The following GGA2 variants were observed in gnomAD, a reference collection of about 807,000 sequenced individuals.
GGA2 encodes the protein ADP-ribosylation factor-binding protein GGA2.
Under a neutral mutation model 79.5 loss-of-function variants are expected in GGA2, and 48 were observed. That is an observed-to-expected ratio of 0.60 (90% CI 0.48 to 0.77). The LOEUF (loss-of-function observed/expected upper bound fraction) is 0.77, where lower values mean the gene tolerates loss of function less well. Among genes scored for constraint, GGA2 ranks in the 30% least tolerant of loss-of-function variants. The pLI is 0.00. For missense variants in GGA2, 770 were observed against 774.0 expected (o/e 0.99, Z 0.06); for synonymous variants, 317 against 302.0 (o/e 1.05, Z -0.51).
rs771802358 is a variant in GGA2, at chr16:23,470,216, G to A, written c.1451-51C>T. 2.8e-6 allele frequency: 4 copies of A among 1,407,362 alleles called. No individual in the cohort carries two copies. The South Asian group carries it at 4.4e-5, about 15-fold the overall frequency. The allele number at this position is 1,407,362 out of a possible 1,614,324, so 87.2% of individuals were successfully genotyped here. On this transcript the variant is annotated intron_variant, in intron 14 of 16. Transcript: ENST00000309859. Reference sequence around the variant, plus strand: ...GTTTAACACCACTACAAACCCCCCGGACAGCCAGGCTGGAAAGAGATGTAC... The same window carrying A: ...GTTTAACACCACTACAAACCCCCCGAACAGCCAGGCTGGAAAGAGATGTAC...
chr16:23,486,833 C>T, intron 6 of GGA2, 43 bp from the exon 7 acceptor site: 1 of 1,134,362 alleles, frequency 8.8e-7, no homozygotes, highest in Non-Finnish European at 1.3e-6. Context: ...CCACAACTCC[C>T]TCAGGCCTAG....
upstream of GGA2, chr16:23,524,193 G>C (rs1282875475): frequency 1.5e-6 from 1 of 649,514 alleles, no homozygotes; most frequent in Non-Finnish European, 2.7e-6. Flanking sequence ...CCAGCCAATT[G>C]ACAAAAACGT....
intron 15 of GGA2, chr16:23,469,228 G>A (rs567557631): frequency 4.1e-4 from 170 of 415,418 alleles, no homozygotes; most frequent in Admixed American, 1.6e-3. Context: ...GAGTTGTGTG[G>A]TCAATAACCG....
At chr16:23,495,932 C>A (rs1964849681) in intron 1 of GGA2, among the ~76,000 whole-genome samples, 154 bp from the exon 2 acceptor site, 1 of 152,164 alleles carries the variant, frequency 6.6e-6, no homozygotes, top group Non-Finnish European at 1.5e-5. Context: ...GCCTGCGCTG[C>A]CTACCACCAC....
intron 1 of GGA2, among the ~76,000 whole-genome samples, chr16:23,503,805 G>A (rs1964945343): frequency 6.6e-6 from 1 of 152,198 alleles, no homozygotes; most frequent in Admixed American, 6.5e-5. Flanking sequence ...TATGGGGCCG[G>A]GTGTAGTGGC....
At chr16:23,499,190 G>A (rs1596992795) in intron 1 of GGA2, among the ~76,000 whole-genome samples, 1 of 151,498 alleles carries the variant, frequency 6.6e-6, no homozygotes, top group African/African-American at 2.4e-5. Flanking sequence ...TGTCACCCGG[G>A]CTGGTGTGCA....
rs758957059 is a variant in GGA2, at chr16:23,486,064, C to G, written c.749G>C (p.Ser250Thr). 6.2e-6 allele frequency: 10 copies of G among 1,614,228 alleles called. No individual in the cohort carries two copies. In the East Asian group the frequency reaches 2.2e-4, roughly 36 times the overall value. Residue 250 changes from serine to threonine, a missense_variant, in exon 8 of 17, where the codon AGC becomes ACC. By Grantham distance (58) the Ser-to-Thr change is moderately conservative. Transcript: ENST00000309859. ...GGCCTGCCCTGGCCTGCGGTACATG[C>G]TCAGCATCTCCTGCAGCACCTTCAC... The part of the protein sequence containing the change: ...SHVKVLQEML[S>T]MYRRPGQAPP...
At chr16:23,514,129 TTGA>T (rs1965090260), upstream of GGA2, among the ~76,000 whole-genome samples, 1 of 152,102 alleles carries the variant, frequency 6.6e-6, no homozygotes, top group African/African-American at 2.4e-5. Context: ...GAAACTTTTT[TTGA>T]TGAAGTCCTG....
chr16:23,469,177 G>A (rs1964480172), intron 15 of GGA2, 181 bp from the exon 16 acceptor site: 1 of 519,684 alleles, frequency 1.9e-6, no homozygotes, highest in Admixed American at 3.0e-5. Flanking sequence ...ATTGATAAAA[G>A]GATCTAAGAG....
chr16:23,486,588 G>A (rs1964716095), intron 7 of GGA2, 122 bp downstream of exon 7: 1 of 751,582 alleles, frequency 1.3e-6, no homozygotes, highest in Non-Finnish European at 2.5e-6. Flanking sequence ...AGAGTTCAGG[G>A]CTAGGAGCCA....
Position 23,467,639 on chromosome 16 carries a change from A to C in GGA2, c.1793T>G (p.Val598Gly). 6.2e-7 allele frequency: 1 copy of C among 1,610,436 alleles called. No homozygotes were observed. The highest frequency in any genetic ancestry group is 8.5e-7 in the Non-Finnish European group (1 of 1,176,724). ...FNQGGQPFSE[V>G]GEVKDFPDLA... ...GTCTGGGAAGTCTTTCACTTCTCCT[A>C]CTTCGCTGAAAGGCTGTCCACCTTG... Residue 598 changes from valine to glycine, a missense_variant, in exon 17 of 17, where the codon GTA (valine) becomes GGA (glycine). Val to Gly is a moderately radical substitution (Grantham distance 109). Transcript: ENST00000309859.
chr16:23,499,248 G>C (rs571403105), intron 1 of GGA2, among the ~76,000 whole-genome samples: 2 of 151,508 alleles, frequency 1.3e-5, no homozygotes, highest in Non-Finnish European at 2.9e-5. Flanking sequence ...GGGTTCAAGC[G>C]ATTCTCCGGC....
intron 1 of GGA2, chr16:23,501,107 T>C (rs1378179667): frequency 2.6e-6 from 1 of 387,690 alleles, no homozygotes; most frequent in African/African-American, 2.1e-5. Context: ...TACACCCACT[T>C]TCACAAGAGA....
intron 1 of GGA2, among the ~76,000 whole-genome samples, chr16:23,499,015 G>A (rs1425963439): frequency 6.6e-6 from 1 of 152,118 alleles, no homozygotes; most frequent in East Asian, 1.9e-4. Context: ...AAGAGAACAG[G>A]GGGAGGCAGG....
At chr16:23,508,767 C>A (rs147519965) in intron 1 of GGA2, among the ~76,000 whole-genome samples, 1,710 of 152,318 alleles carry the variant, frequency 0.011, 21 homozygotes, top group Non-Finnish European at 0.017. Flanking sequence ...TCTCCAGTGC[C>A]AACCAGCTGC....
intron 11 of GGA2, among the ~76,000 whole-genome samples, chr16:23,479,552 G>T (rs1012498433): frequency 4.8e-5 from 7 of 145,550 alleles, no homozygotes; most frequent in Admixed American, 1.4e-4. Context: ...CAGCAGACAC[G>T]TGCTTCCCAA....
rs746297665 is a variant in GGA2 at position 23,467,716 on chromosome 16, CAGA to C, written c.1732-19_1732-17del. On this transcript the variant is annotated splice_polypyrimidine_tract_variant and intron_variant, in intron 16 of 16. Transcript: ENST00000309859. ...GGATAGGTTCCTGGGACAGAAGAGA[CAGA>C]AGATGTCAAATCAGTGGAGAGCAAC... 3.8e-6 allele frequency: 5 copies of C among 1,302,416 alleles called. No homozygotes were observed. In the African/African-American group the frequency reaches 7.2e-5, roughly 19 times the overall value. The allele number at this position is 1,302,416 out of a possible 1,614,324, so 80.7% of individuals were successfully genotyped here.
chr16:23,470,053 C>G lies in GGA2; in HGVS notation c.1563G>C (p.Met521Ile), dbSNP rs139811732. ...HPEVQVLLLT[M>I]MSTAPQPVWD... ...AGACAGGCTGGGGAGCCGTGCTCATCATGGTCAAGAGCAGCACCTGTACCT... is the reference window on the plus strand; with the variant it reads ...AGACAGGCTGGGGAGCCGTGCTCATGATGGTCAAGAGCAGCACCTGTACCT... The change falls in exon 15 of 17, where the codon ATG becomes ATC. Residue 521 changes from methionine (M) to isoleucine (I), a missense_variant. By Grantham distance (10) the Met-to-Ile change is conservative. Coordinates refer to ENST00000309859, the MANE Select transcript of GGA2 (RefSeq NM_015044.4). 10 of 1,607,084 alleles carry G rather than the reference C, an allele frequency of 6.2e-6. No individual in the cohort carries two copies. In the African/African-American group the frequency reaches 1.1e-4, roughly 17 times the overall value.
rs201544801 is a variant in GGA2 at position 23,480,602 on chromosome 16, C to CT, written c.1006+42dup. On this transcript the variant is annotated intron_variant, in intron 10 of 16. Transcript: ENST00000309859. ...CCATTTCTTTTCTGGGAATTACAGG[C>CT]TGCCCCAAGGCAGAGAAGGCAAGGA... 7,457 of 1,563,284 alleles carry CT rather than the reference C, an allele frequency of 4.8e-3. 312 individuals carry two copies. In the Admixed American group the frequency reaches 0.092, roughly 19 times the overall value.
Sources: allele counts gnomAD v4.1 joint callset (sites outside exome capture counted in the v4.1 genomes callset), GRCh38; gene constraint gnomAD v4.1.1; transcripts MANE v1.5; gene names NCBI Gene and HGNC (gene_info 2026-07-23, HGNC 2026-07-21).